The following GNAL variants were observed in gnomAD, a reference collection of about 807,000 sequenced individuals.
The protein encoded by GNAL is G protein subunit alpha L.
A neutral mutation model predicts 55.1 loss-of-function variants in GNAL; 18 were observed. The ratio of observed to expected loss-of-function variants is 0.33; its 90% CI spans 0.23 to 0.48. The LOEUF is 0.48. Ranked by LOEUF, GNAL falls within the 20% of genes least tolerant of loss-of-function variation. The pLI, the probability that GNAL is intolerant of heterozygous loss-of-function variation, is 0.99. For synonymous variants in GNAL, 253 were observed against 237.0 expected (o/e 1.07, Z -0.62); for missense variants, 412 against 614.1 (o/e 0.67, Z 3.48).
rs564650548 is a variant in GNAL, at chr18:11,834,229, G to A, written c.722+9214G>A. On this transcript the variant is annotated intron_variant, in intron 5 of 11. Transcript: ENST00000334049. ...ACAAAATTGGAATTCAGTGGTCTTAGATGACGGTTGAGTTTTTCGCTGGAC... is the reference window on the plus strand; with the variant it reads ...ACAAAATTGGAATTCAGTGGTCTTAAATGACGGTTGAGTTTTTCGCTGGAC... 2.6e-5 allele frequency among the ~76,000 whole-genome samples: 4 copies of A among 152,192 alleles called. No homozygotes were observed. The South Asian group carries it at 6.2e-4, about 24-fold the overall frequency.
chr18:11,702,663 G>A, intron 1 of GNAL, among the ~76,000 whole-genome samples: 1 of 152,110 alleles, frequency 6.6e-6, no homozygotes, highest in Non-Finnish European at 1.5e-5. Flanking sequence ...AGGAGCTTAT[G>A]ACCCTGTGCG....
At chr18:11,842,671 TATGAC>T (rs1223326864) in intron 5 of GNAL, among the ~76,000 whole-genome samples, 1 of 152,078 alleles carries the variant, frequency 6.6e-6, no homozygotes, top group African/African-American at 2.4e-5. Context: ...CCATCGCTGA[TATGAC>T]AGGAGGTGGA....
At chr18:11,733,490 T>C (rs953943929) in intron 1 of GNAL, among the ~76,000 whole-genome samples, 13 of 152,170 alleles carry the variant, frequency 8.5e-5, no homozygotes, top group Admixed American at 8.5e-4. Flanking sequence ...GTGTTCTCAT[T>C]TTCATCTTTT....
At chr18:11,791,646 T>C (rs1387233502) in intron 4 of GNAL, among the ~76,000 whole-genome samples, 1 of 152,232 alleles carries the variant, frequency 6.6e-6, no homozygotes, top group Non-Finnish European at 1.5e-5. Context: ...GTGATCTATT[T>C]AGGAAAGACT....
intron 1 of GNAL, among the ~76,000 whole-genome samples, chr18:11,726,142 T>C (rs1028458888): frequency 1.3e-5 from 2 of 152,210 alleles, no homozygotes; most frequent in African/African-American, 2.4e-5. Flanking sequence ...ACTGTAGCTT[T>C]ATGTTATAGT....
chr18:11,744,432 G>C (rs1006445645), intron 1 of GNAL, among the ~76,000 whole-genome samples: 1 of 152,046 alleles, frequency 6.6e-6, no homozygotes, highest in Admixed American at 6.6e-5. Flanking sequence ...TTTTTTAAGT[G>C]TACTATAATT....
chr18:11,784,795 G>T (rs879640103), intron 4 of GNAL, among the ~76,000 whole-genome samples: 2 of 152,150 alleles, frequency 1.3e-5, no homozygotes, highest in Non-Finnish European at 2.9e-5. Flanking sequence ...TCTGAGCGTG[G>T]AAGAAACTGA....
chr18:11,782,708 T>C (rs1488815257), intron 4 of GNAL, among the ~76,000 whole-genome samples: 1 of 152,190 alleles, frequency 6.6e-6, no homozygotes, highest in Non-Finnish European at 1.5e-5. Flanking sequence ...AAAAGGGCCA[T>C]GTAAGAGTCA....
chr18:11,780,016 C>T (rs1175969627), intron 4 of GNAL, among the ~76,000 whole-genome samples: 1 of 152,138 alleles, frequency 6.6e-6, no homozygotes, highest in Non-Finnish European at 1.5e-5. Context: ...GCATATATAC[C>T]ATTGCAACAT....
At position 11,884,179 on chromosome 18, in the gene GNAL, C is replaced by T. The variant is rs575792539; in HGVS notation, c.*3044C>T. The T allele has an allele frequency of 1.1e-5, 4 of 376,120 alleles. No homozygotes were observed. The highest frequency in any genetic ancestry group is 4.6e-5 in the East Asian group (1 of 21,650). The allele number at this position is 376,120 out of a possible 1,614,324, so 23.3% of individuals were successfully genotyped here. ...TGAGTGACGACATTAATAGCATTTA[C>T]ATACTGTACAGATGCAACCTTTGAT... On this transcript the variant is annotated 3_prime_UTR_variant, in exon 12 of 12. Coordinates refer to ENST00000334049, the MANE Select transcript of GNAL (RefSeq NM_182978.4).
At chr18:11,856,650 G>A (rs2036013618) in intron 5 of GNAL, among the ~76,000 whole-genome samples, 2 of 151,980 alleles carry the variant, frequency 1.3e-5, no homozygotes, top group Admixed American at 1.3e-4. Flanking sequence ...TACAGGTGGG[G>A]CGTGGTGGCT....
In GNAL at chr18:11,790,218, AG is replaced by A. The variant is rs150862688; in HGVS notation, c.625-34695del. Among the ~76,000 whole-genome samples, 1,031 of 152,290 alleles carry A rather than the reference AG, an allele frequency of 6.8e-3. 14 individuals carry two copies. Among genetic ancestry groups the A allele is most frequent in the African/African-American group, 0.024 (996 of 41,556 alleles). The stretch of plus-strand genomic sequence containing the variant: ...AGAGCTATCTTTTGTGCAAGTGGGC[AG>A]GGGGTGTTCAGAGCCCTGCCCCTGG... On this transcript the variant is annotated intron_variant, in intron 4 of 11. Transcript: ENST00000334049.
At chr18:11,773,667 C>T (rs2033699484) in intron 4 of GNAL, among the ~76,000 whole-genome samples, 1 of 152,058 alleles carries the variant, frequency 6.6e-6, no homozygotes, top group Admixed American at 6.6e-5. Context: ...GCCTGTGGTC[C>T]CAGCTTTTCG....
chr18:11,753,045 G>A (rs2032910817), intron 2 of GNAL, 120 bp downstream of exon 2: 5 of 585,180 alleles, frequency 8.5e-6, no homozygotes, highest in African/African-American at 4.0e-5. Context: ...CATTCAAGGG[G>A]GAAAAAATTA....
rs535685785 is a variant in GNAL, at chr18:11,837,970, T to C, written c.722+12955T>C. On this transcript the variant is annotated intron_variant, in intron 5 of 11. Coordinates refer to ENST00000334049, the MANE Select transcript of GNAL (RefSeq NM_182978.4). The stretch of plus-strand genomic sequence containing the variant: ...GCCTTGGCAACATGGTGAAATCCCT[T>C]CTTACGAAAAATTATCCAGGCATGG... Among the ~76,000 whole-genome samples, 3 of 152,162 alleles carry C rather than the reference T, an allele frequency of 2.0e-5. No homozygotes were observed. The East Asian group carries it at 5.8e-4, about 29-fold the overall frequency.
intron 4 of GNAL, among the ~76,000 whole-genome samples, chr18:11,811,802 C>G (rs557771464): frequency 6.6e-6 from 1 of 152,210 alleles, no homozygotes; most frequent in South Asian, 2.1e-4. Context: ...TACGGAGTGA[C>G]TAAAAAGACC....
At chr18:11,781,111 C>T (rs765629036) in intron 4 of GNAL, among the ~76,000 whole-genome samples, 3 of 152,164 alleles carry the variant, frequency 2.0e-5, no homozygotes, top group East Asian at 1.9e-4. Flanking sequence ...GTGTTTCTTA[C>T]GGCTATTTCA....
chr18:11,727,059 C>T (rs1031720050), intron 1 of GNAL, among the ~76,000 whole-genome samples: 1 of 152,138 alleles, frequency 6.6e-6, no homozygotes, highest in Non-Finnish European at 1.5e-5. Context: ...TCCACACCCC[C>T]AGCCCTAGTC....
chr18:11,750,913 G>A (rs938344852), intron 1 of GNAL, among the ~76,000 whole-genome samples: 1 of 152,122 alleles, frequency 6.6e-6, no homozygotes, highest in Non-Finnish European at 1.5e-5. Flanking sequence ...AGAGTGGAGA[G>A]GGGAAGGTGC....
Sources: gnomAD v4.1 joint callset for allele counts (sites outside exome capture counted in the v4.1 genomes callset) on GRCh38, gnomAD v4.1.1 for gene constraint, MANE v1.5 for transcripts, NCBI Gene and HGNC (gene_info 2026-07-23, HGNC 2026-07-21) for gene names.